Variants in CLEC16A observed in about 807,000 individuals in gnomAD.
CLEC16A encodes C-type lectin domain containing 16A, also known as protein CLEC16A.
A neutral mutation model predicts 109.5 loss-of-function variants in CLEC16A; 51 were observed. The observed-to-expected ratio is 0.47, with a 90% CI of 0.37 to 0.59. CLEC16A has a LOEUF of 0.59. Ranked by LOEUF, CLEC16A falls within the 20% of genes least tolerant of loss-of-function variation. The pLI is 0.00. For missense variants in CLEC16A, 1,339 were observed against 1,394.0 expected, an observed-to-expected ratio of 0.96 and a Z score of 0.63; for synonymous variants, 673 against 564.2, an observed-to-expected ratio of 1.19 and a Z score of -2.73.
intron 3 of CLEC16A, among the ~76,000 whole-genome samples, chr16:10,965,580 G>A (rs969483696): frequency 6.6e-6 from 1 of 152,138 alleles, no homozygotes; most frequent in Admixed American, 6.6e-5. Context: ...ACCTGACCAC[G>A]GGCATTTAGG....
intron 16 of CLEC16A, among the ~76,000 whole-genome samples, chr16:11,046,227 A>AT (rs1474287273): frequency 6.6e-6 from 1 of 152,184 alleles, no homozygotes; most frequent in African/African-American, 2.4e-5. Flanking sequence ...ATTCTTTATT[A>AT]TTAACAAAAG....
chr16:11,013,725 C>G (rs939229657), intron 11 of CLEC16A, among the ~76,000 whole-genome samples: 1 of 152,040 alleles, frequency 6.6e-6, no homozygotes, highest in Admixed American at 6.5e-5. Flanking sequence ...CGCCACCGCA[C>G]TCCAGCCTAG....
chr16:11,109,343 G>A (rs774628895), intron 19 of CLEC16A, among the ~76,000 whole-genome samples: 2 of 151,982 alleles, frequency 1.3e-5, no homozygotes, highest in African/African-American at 2.4e-5. Flanking sequence ...TTGTAAAGAC[G>A]AGGTCTTGCT....
chr16:10,963,006 G>A (rs912387638), intron 3 of CLEC16A, among the ~76,000 whole-genome samples: 5 of 152,048 alleles, frequency 3.3e-5, no homozygotes, highest in East Asian at 1.9e-4. Flanking sequence ...GCAGTGAGCC[G>A]TGATTGTGCC....
intron 10 of CLEC16A, among the ~76,000 whole-genome samples, chr16:10,984,528 T>C (rs778412486): frequency 8.5e-5 from 13 of 152,188 alleles, no homozygotes; most frequent in Non-Finnish European, 1.3e-4. Context: ...GGATCAGATA[T>C]GCAAATAACT....
At chr16:11,040,173 G>A (rs922410318) in intron 14 of CLEC16A, 8 of 355,824 alleles carry the variant, frequency 2.2e-5, no homozygotes, top group Middle Eastern at 7.7e-4. Context: ...CCCCCACCCC[G>A]CTATGTCTGG....
chr16:11,109,000 A>T (rs778308041), intron 19 of CLEC16A, among the ~76,000 whole-genome samples: 1 of 150,222 alleles, frequency 6.7e-6, no homozygotes, highest in Non-Finnish European at 1.5e-5. Context: ...AGTCCCAGTT[A>T]CTCGGGAGGC....
chr16:11,049,249 G>A (rs988152157), intron 17 of CLEC16A, among the ~76,000 whole-genome samples: 46 of 151,900 alleles, frequency 3.0e-4, no homozygotes, highest in African/African-American at 4.6e-4. Flanking sequence ...CTCGTGATCC[G>A]CCCGCCTTGG....
At chr16:11,060,404 C>T (rs1355150655) in intron 18 of CLEC16A, among the ~76,000 whole-genome samples, 1 of 152,232 alleles carries the variant, frequency 6.6e-6, no homozygotes, top group Non-Finnish European at 1.5e-5. Flanking sequence ...TCTGTCTGCC[C>T]CACCCCCGTA....
rs1415921818 is a variant in CLEC16A, at chr16:11,172,636, T to A, written c.2807-5699T>A. On this transcript the variant is annotated intron_variant, in intron 23 of 23. Transcript: ENST00000409790. ...AAGTGCAGTGGCTCATGCCTGTAAT[T>A]CCAGCACTTTGGGAGGCTGAGGCGG... is the stretch of plus-strand genomic sequence containing the variant. Among the ~76,000 whole-genome samples, 4 of 152,226 alleles carry A rather than the reference T, an allele frequency of 2.6e-5. No homozygotes were observed. The East Asian group carries it at 7.7e-4, about 29-fold the overall frequency.
chr16:11,002,440 G>A (rs888285937), intron 10 of CLEC16A, among the ~76,000 whole-genome samples: 1 of 152,200 alleles, frequency 6.6e-6, no homozygotes, highest in Non-Finnish European at 1.5e-5. Flanking sequence ...TTAATAATGG[G>A]CATAATAATA....
rs1284177911 is a variant in CLEC16A at position 10,969,965 on chromosome 16, ATTG to A, written c.492+660_492+662del. 2.0e-5 allele frequency among the ~76,000 whole-genome samples: 3 copies of A among 152,250 alleles called. No individual in the cohort carries two copies. The East Asian group carries it at 5.8e-4, about 29-fold the overall frequency. ...GCTCCCTAAAAGCATAGACGTTGCT[ATTG>A]TTGATAAGATAATGTCCCTGACATT... On this transcript the variant is annotated intron_variant, in intron 4 of 23. Coordinates refer to ENST00000409790, the MANE Select transcript of CLEC16A (RefSeq NM_015226.3).
chr16:11,177,795 G>C (rs1020852528), intron 23 of CLEC16A, among the ~76,000 whole-genome samples: 3 of 151,914 alleles, frequency 2.0e-5, no homozygotes, highest in Admixed American at 2.0e-4. Flanking sequence ...AGGAGGAGGA[G>C]GAGACAGGCC....
chr16:11,155,754 T>A (rs2054487686), intron 22 of CLEC16A, among the ~76,000 whole-genome samples: 1 of 152,208 alleles, frequency 6.6e-6, no homozygotes, highest in Non-Finnish European at 1.5e-5. Flanking sequence ...GGAGAGACTT[T>A]GGTGAGGTGA....
chr16:11,021,051 C>T (rs2046069573), intron 12 of CLEC16A, among the ~76,000 whole-genome samples: 1 of 152,194 alleles, frequency 6.6e-6, no homozygotes, highest in Non-Finnish European at 1.5e-5. Context: ...TTCATAAATG[C>T]ACCACACCAG....
At chr16:11,063,989 G>A (rs1167175458) in intron 19 of CLEC16A, among the ~76,000 whole-genome samples, 1 of 151,634 alleles carries the variant, frequency 6.6e-6, no homozygotes, top group Non-Finnish European at 1.5e-5. Context: ...GAAGAAAGGG[G>A]AAGGGAGGGA....
rs79938526 is a variant in CLEC16A at position 11,002,731 on chromosome 16, T to A, written c.1072-343T>A. On this transcript the variant is annotated intron_variant, in intron 10 of 23. Coordinates refer to ENST00000409790, the MANE Select transcript of CLEC16A (RefSeq NM_015226.3). ...GCACATGTTATTTAGCTCCTGCTTATGAGAATATGCAGTAAGTGTCTGAGT... is the reference window on the plus strand; with the variant it reads ...GCACATGTTATTTAGCTCCTGCTTAAGAGAATATGCAGTAAGTGTCTGAGT... Among the ~76,000 whole-genome samples the A allele has an allele frequency of 3.9e-5, 6 of 152,330 alleles. No homozygotes were observed. The East Asian group carries it at 1.2e-3, about 29-fold the overall frequency.
At chr16:10,949,496 A>G (rs751769779) in intron 1 of CLEC16A, among the ~76,000 whole-genome samples, 15 of 152,092 alleles carry the variant, frequency 9.9e-5, no homozygotes, top group Non-Finnish European at 2.1e-4. Flanking sequence ...GAGAAAGCCT[A>G]GTGGGGCAAG....
intron 13 of CLEC16A, among the ~76,000 whole-genome samples, chr16:11,032,121 G>A (rs772344892): frequency 3.9e-5 from 6 of 152,178 alleles, no homozygotes; most frequent in Non-Finnish European, 5.9e-5. Context: ...GTGAGGACCC[G>A]TTTCCTGAGG....
Sources: gnomAD v4.1 joint callset for allele counts (sites outside exome capture counted in the v4.1 genomes callset) on GRCh38, gnomAD v4.1.1 for gene constraint, MANE v1.5 for transcripts, NCBI Gene and HGNC (gene_info 2026-07-23, HGNC 2026-07-21) for gene names.